TFAP4: variants seen among roughly 807,000 people sequenced by gnomAD.
The protein encoded by TFAP4 is activating enhancer-binding protein 4.
TFAP4 carries 7 observed loss-of-function variants against 40.4 expected under a neutral mutation model. That is an observed-to-expected ratio of 0.17 (90% confidence interval 0.10 to 0.33). TFAP4 has a LOEUF of 0.33. TFAP4 is among the 10% of genes least tolerant of loss of function. TFAP4 has a pLI of 1.00. For synonymous variants in TFAP4, 218 were observed against 181.4 expected (o/e 1.20, Z -1.62); for missense variants, 374 against 451.1 (o/e 0.83, Z 1.55).
chr16:4,260,348 A>G (rs1272325748), intron 5 of TFAP4, 103 bp from the exon 6 acceptor site: 4 of 1,504,128 alleles, frequency 2.7e-6, no homozygotes, highest in Non-Finnish European at 3.5e-6. Flanking sequence ...CTGCCCCTTT[A>G]TATTAAGAAG....
intron 1 of TFAP4, among the ~76,000 whole-genome samples, chr16:4,271,823 A>G (rs1039652785): frequency 1.3e-5 from 2 of 152,164 alleles, no homozygotes. Context: ...TGCCTTGCCC[A>G]TCGTGCCCGC....
rs2052907490 is a variant in TFAP4 at position 4,257,698 on chromosome 16, A to G, written c.*357T>C. Reference sequence around the variant, plus strand: ...CAGGCTGGCTCTGGGCAGGGAAGAAATAACCTGGGGTTTTGTTTAATTTTC... The same window carrying G: ...CAGGCTGGCTCTGGGCAGGGAAGAAGTAACCTGGGGTTTTGTTTAATTTTC... On this transcript the variant is annotated 3_prime_UTR_variant, in exon 7 of 7. Coordinates refer to ENST00000204517, the MANE Select transcript of TFAP4 (RefSeq NM_003223.3). 3 of 198,132 alleles carry G rather than the reference A, an allele frequency of 1.5e-5. No individual in the cohort carries two copies. The allele number at this position is 198,132 out of a possible 1,614,324, so 12.3% of individuals were successfully genotyped here. A position where few individuals can be genotyped will look rare whatever the true frequency, so the allele number is the denominator to read the frequency against.
rs71139626 is a variant in TFAP4, at chr16:4,272,954, ATGTGTGTGTGTGTGTGTG to A, written c.-226_-209del. The A allele has an allele frequency of 2.8e-3, 432 of 156,260 alleles. 4 individuals are homozygous for A. The highest frequency in any genetic ancestry group is 0.014 in the African/African-American group (356 of 26,038). The allele number at this position is 156,260 out of a possible 1,614,324, so 9.7% of individuals were successfully genotyped here. A position where few individuals can be genotyped will look rare whatever the true frequency, so the allele number is the denominator to read the frequency against. ...CCGGCCTGCCTCCCCGGGCGTGTGT[ATGTGTGTGTGTGTGTGTG>A]TGTGTGTGTGTGTGTGTGTGTGTGT... On this transcript the variant is annotated 5_prime_UTR_variant, in exon 1 of 7. Transcript: ENST00000204517.
Position 4,260,442 on chromosome 16 carries a change from G to T in TFAP4, c.666+13C>A. ...CGGTCCCCAGAGCCCACTCCCGGGC[G>T]CCTCCTGCTCACCTGGGTCCGCAGC... On this transcript the variant is annotated intron_variant, in intron 5 of 6. Transcript: ENST00000204517. 2 of 1,566,126 alleles carry T rather than the reference G, an allele frequency of 1.3e-6. No homozygotes were observed. Among genetic ancestry groups the T allele is most frequent in the Non-Finnish European group, 8.6e-7 (1 of 1,156,708 alleles).
At chr16:4,261,158 G>A (rs971442435) in intron 4 of TFAP4, among the ~76,000 whole-genome samples, 1 of 151,836 alleles carries the variant, frequency 6.6e-6, no homozygotes, top group Admixed American at 6.6e-5. Context: ...TTTTGGTAGA[G>A]ACAGAGTCTC....
At chr16:4,271,051 A>AT (rs535482501) in intron 1 of TFAP4, among the ~76,000 whole-genome samples, 13 of 152,104 alleles carry the variant, frequency 8.5e-5, no homozygotes, top group Non-Finnish European at 1.6e-4. Context: ...GAGCTCAAGA[A>AT]TTTTTTTTAC....
At chr16:4,271,186 T>C (rs1453537102) in intron 1 of TFAP4, among the ~76,000 whole-genome samples, 1 of 152,180 alleles carries the variant, frequency 6.6e-6, no homozygotes, top group African/African-American at 2.4e-5. Context: ...AGAGTAGCCT[T>C]AAGGTGGGGA....
chr16:4,258,008 C>T lies in TFAP4; in HGVS notation c.*47G>A, dbSNP rs2052910598. 5.1e-6 allele frequency: 8 copies of T among 1,567,486 alleles called. No homozygotes were observed. The East Asian group carries it at 1.6e-4, about 32-fold the overall frequency. On this transcript the variant is annotated 3_prime_UTR_variant, in exon 7 of 7. Coordinates refer to ENST00000204517, the MANE Select transcript of TFAP4 (RefSeq NM_003223.3). ...GCCCATGTCTCTCCCTGTGGCTGCC[C>T]CGGCTCCCTCCAGCCCCCAGAAGGG...
intron 5 of TFAP4, 83 bp from the exon 6 acceptor site, chr16:4,260,328 AT>A: frequency 2.0e-6 from 3 of 1,507,520 alleles, no homozygotes; most frequent in Non-Finnish European, 2.6e-6. Flanking sequence ...TGGCCAATGT[AT>A]AACTGCCTCT....
At chr16:4,260,399 G>A in intron 5 of TFAP4, 56 bp downstream of exon 5, 2 of 1,521,270 alleles carry the variant, frequency 1.3e-6, no homozygotes, top group South Asian at 2.6e-5. Context: ...CGCCATTCAA[G>A]ATCACCTGTC....
At chr16:4,258,283 C>A in intron 6 of TFAP4, 34 bp from the exon 7 acceptor site, 1 of 1,528,198 alleles carries the variant, frequency 6.5e-7, no homozygotes, top group South Asian at 1.3e-5. Context: ...AAGGCTCGGC[C>A]GGGGATACAT....
At chr16:4,269,514 AAG>A (rs1491352087) in intron 1 of TFAP4, among the ~76,000 whole-genome samples, 1 of 146,032 alleles carries the variant, frequency 6.8e-6, no homozygotes, top group African/African-American at 2.5e-5. Context: ...AAAAAAAAAA[AAG>A]ATACAGATGG....
At chr16:4,270,975 C>G (rs991215319) in intron 1 of TFAP4, among the ~76,000 whole-genome samples, 9 of 152,266 alleles carry the variant, frequency 5.9e-5, no homozygotes, top group African/African-American at 1.9e-4. Context: ...ACACTTTTGA[C>G]TCATAGAAAG....
rs1446218802 is a variant in TFAP4, at chr16:4,272,940, C to T, written c.-194G>A. The T allele has an allele frequency of 1.9e-6, 1 of 518,514 alleles. No individual in the cohort carries two copies. The highest frequency in any genetic ancestry group is 3.5e-6 in the Non-Finnish European group (1 of 285,140). The allele number at this position is 518,514 out of a possible 1,614,324, so 32.1% of individuals were successfully genotyped here. A position where few individuals can be genotyped will look rare whatever the true frequency, so the allele number is the denominator to read the frequency against. ...GGAGGGAGGTCTCTCCGGCCTGCCT[C>T]CCCGGGCGTGTGTATGTGTGTGTGT... On this transcript the variant is annotated 5_prime_UTR_variant, in exon 1 of 7. Transcript: ENST00000204517.
chr16:4,271,693 G>A (rs190799178), intron 1 of TFAP4, among the ~76,000 whole-genome samples: 1 of 152,298 alleles, frequency 6.6e-6, no homozygotes, highest in Non-Finnish European at 1.5e-5. Context: ...GTTTACGGCA[G>A]GGGGGAGGGG....
Position 4,269,127 on chromosome 16 carries a change from A to AT in TFAP4, c.89+3530dup, listed in dbSNP as rs550325687. On this transcript the variant is annotated intron_variant, in intron 1 of 6. Coordinates refer to ENST00000204517, the MANE Select transcript of TFAP4 (RefSeq NM_003223.3). ...GGTCTCGAACTCCTGGGCTCAAATG[A>AT]TTTTTTCCCCTTGGCCTTCCAAAGC... Among the ~76,000 whole-genome samples the AT allele has an allele frequency of 3.8e-4, 58 of 151,356 alleles. 2 individuals carry two copies. In the South Asian group the frequency reaches 0.012, roughly 30 times the overall value.
In TFAP4 at chr16:4,272,954, ATG is replaced by A. The variant is rs71139626; in HGVS notation, c.-210_-209del. On this transcript the variant is annotated 5_prime_UTR_variant, in exon 1 of 7. Coordinates refer to ENST00000204517, the MANE Select transcript of TFAP4 (RefSeq NM_003223.3). ...CCGGCCTGCCTCCCCGGGCGTGTGTATGTGTGTGTGTGTGTGTGTGTGTGTGT... is the reference window on the plus strand; with the variant it reads ...CCGGCCTGCCTCCCCGGGCGTGTGTATGTGTGTGTGTGTGTGTGTGTGTGT... 11,687 of 155,770 alleles carry A rather than the reference ATG, an allele frequency of 0.075. 553 individuals carry two copies. The highest frequency in any genetic ancestry group is 0.093 in the African/African-American group (2,405 of 25,934). 9.6% of individuals were successfully genotyped at this position (155,770 alleles called of 1,614,324 possible). A position where few individuals can be genotyped will look rare whatever the true frequency, so the allele number is the denominator to read the frequency against.
intron 1 of TFAP4, among the ~76,000 whole-genome samples, chr16:4,267,471 G>T (rs1184351013): frequency 6.6e-6 from 1 of 152,268 alleles, no homozygotes; most frequent in East Asian, 1.9e-4. Flanking sequence ...GCTAAGGCAA[G>T]AGCCGCCACA....
intron 5 of TFAP4, 92 bp downstream of exon 5, chr16:4,260,363 G>A (rs1332140390): frequency 2.7e-6 from 4 of 1,505,432 alleles, no homozygotes; most frequent in Non-Finnish European, 3.5e-6. Flanking sequence ...AAGAAGCAGA[G>A]AGGACGTGGC....
Sources: gnomAD v4.1 joint callset for allele counts (sites outside exome capture counted in the v4.1 genomes callset) on GRCh38, gnomAD v4.1.1 for gene constraint, MANE v1.5 for transcripts, NCBI Gene and HGNC (gene_info 2026-07-23, HGNC 2026-07-21) for gene names.